The following CAST variants were observed in gnomAD, a reference collection of about 807,000 sequenced individuals.
CAST encodes the protein MIR583 host.
CAST carries 76 observed loss-of-function variants against 119.6 expected under a neutral mutation model. The ratio of observed to expected loss-of-function variants is 0.64; its 90% CI spans 0.53 to 0.77. The LOEUF (loss-of-function observed/expected upper bound fraction) is 0.77. Ranked by LOEUF, CAST falls within the 30% of genes least tolerant of loss-of-function variation. The probability of loss-of-function intolerance (pLI) is 0.00; values close to 1 mark genes in which losing one functional copy is unlikely to be tolerated. For synonymous variants in CAST, 319 were observed against 331.6 expected, an observed-to-expected ratio of 0.96 and a Z score of 0.41; for missense variants, 953 against 946.5, an observed-to-expected ratio of 1.01 and a Z score of -0.09.
chr5:96,612,185 G>C (rs1211292998), intron 1 of CAST, among the ~76,000 whole-genome samples: 2 of 152,046 alleles, frequency 1.3e-5, no homozygotes, highest in East Asian at 3.8e-4. Flanking sequence ...AAGTCATGGT[G>C]CCCACTAATG....
At position 96,582,871 on chromosome 5, in the gene CAST, G is replaced by C. The variant is rs191411528; in HGVS notation, c.60+52991G>C. Among the ~76,000 whole-genome samples, 3 of 152,240 alleles carry C rather than the reference G, an allele frequency of 2.0e-5. No individual in the cohort carries two copies. The East Asian group carries it at 5.8e-4, about 29-fold the overall frequency. On this transcript the variant is annotated intron_variant, in intron 1 of 11. Transcript: ENST00000505143. ...TCTTATTGATAGGCTCTTTAGAAAA[G>C]AATGTGAATGTCAATGCATAAGTTT...
the CAST span, among the ~76,000 whole-genome samples, chr5:96,262,340 A>G: frequency 2.0e-5 from 3 of 152,156 alleles, no homozygotes; most frequent in Non-Finnish European, 4.4e-5. Context: ...AAAACAGACT[A>G]TTCTCACTAT....
chr5:96,044,712 A>G, the CAST span, among the ~76,000 whole-genome samples: 336 of 152,258 alleles, frequency 2.2e-3, 1 homozygote, highest in African/African-American at 7.8e-3. Flanking sequence ...TACTTACCCA[A>G]GTGTCTATCA....
chr5:96,025,524 T>G, the CAST span, among the ~76,000 whole-genome samples: 1 of 152,166 alleles, frequency 6.6e-6, no homozygotes, highest in African/African-American at 2.4e-5. Flanking sequence ...ATTAATTACA[T>G]CTTGCGTATC....
the CAST span, among the ~76,000 whole-genome samples, chr5:96,502,049 A>C: frequency 6.6e-6 from 1 of 151,376 alleles, no homozygotes; most frequent in South Asian, 2.1e-4. Context: ...TTTTTCTCAC[A>C]TAAAAAATAG....
chr5:96,020,311 G>A, the CAST span, among the ~76,000 whole-genome samples: 1 of 152,268 alleles, frequency 6.6e-6, no homozygotes, highest in South Asian at 2.1e-4. Flanking sequence ...CAGAACAAAT[G>A]CTGATAAAAA....
At chr5:96,742,411 G>A (rs1424594218) in intron 15 of CAST, 1 of 464,534 alleles carries the variant, frequency 2.2e-6, no homozygotes, top group African/African-American at 2.0e-5. Flanking sequence ...ACCAAATAAG[G>A]GGTGAAGTGT....
the CAST span, among the ~76,000 whole-genome samples, chr5:96,154,283 AC>A: frequency 6.6e-6 from 1 of 151,972 alleles, no homozygotes; most frequent in African/African-American, 2.4e-5. Context: ...ATCTCAAAAA[AC>A]AACAACAAAA....
the CAST span, among the ~76,000 whole-genome samples, chr5:96,198,534 G>T: frequency 1.3e-5 from 2 of 151,954 alleles, no homozygotes; most frequent in African/African-American, 2.4e-5. Flanking sequence ...TGTGTGCTGG[G>T]CACATTCATT....
At chr5:96,414,982 A>G in the CAST span, among the ~76,000 whole-genome samples, 1 of 152,238 alleles carries the variant, frequency 6.6e-6, no homozygotes, top group East Asian at 1.9e-4. Flanking sequence ...AGGTATACTC[A>G]TGTAGAGTTT....
chr5:96,743,707 C>G (rs1763163451), intron 16 of CAST: 1 of 1,610,620 alleles, frequency 6.2e-7, no homozygotes, highest in African/African-American at 1.3e-5. Flanking sequence ...ACGGTGAACG[C>G]AGAGGAGCAA....
At chr5:96,426,179 A>G in the CAST span, among the ~76,000 whole-genome samples, 1 of 152,104 alleles carries the variant, frequency 6.6e-6, no homozygotes. Flanking sequence ...TAATTCCCTA[A>G]ATTATTTACA....
the CAST span, among the ~76,000 whole-genome samples, chr5:96,014,639 A>T: frequency 6.6e-6 from 1 of 152,138 alleles, no homozygotes; most frequent in African/African-American, 2.4e-5. Flanking sequence ...TTTCAACTTC[A>T]TTATAATCTT....
chr5:96,753,509 A>C (rs575020105), intron 20 of CAST, among the ~76,000 whole-genome samples: 8 of 152,316 alleles, frequency 5.3e-5, no homozygotes, highest in African/African-American at 1.9e-4. Flanking sequence ...ACAGGTAGAC[A>C]GTTCTCACTG....
chr5:96,093,111 G>C, the CAST span, among the ~76,000 whole-genome samples: 3 of 152,118 alleles, frequency 2.0e-5, no homozygotes, highest in African/African-American at 7.2e-5. Context: ...AGGCAGTGCT[G>C]GGGGTTGTGT....
chr5:96,580,416 C>A (rs1458707591), intron 1 of CAST, among the ~76,000 whole-genome samples: 3 of 152,188 alleles, frequency 2.0e-5, no homozygotes, highest in African/African-American at 7.2e-5. Context: ...TAGAGAACTT[C>A]GTTACTATGA....
chr5:96,630,063 A>G (rs192354974), intron 1 of CAST, among the ~76,000 whole-genome samples: 136 of 152,364 alleles, frequency 8.9e-4, no homozygotes, highest in Admixed American at 5.2e-3. Context: ...TGTCTTCTCA[A>G]TTAGTCATTC....
chr5:96,636,885 A>G (rs895264195), intron 1 of CAST, among the ~76,000 whole-genome samples: 52 of 142,628 alleles, frequency 3.6e-4, no homozygotes, highest in African/African-American at 1.3e-3. Flanking sequence ...ACATCACATC[A>G]CTCGTGGGGA....
the CAST span, among the ~76,000 whole-genome samples, chr5:96,011,618 G>T: frequency 6.6e-6 from 1 of 152,076 alleles, no homozygotes; most frequent in Non-Finnish European, 1.5e-5. Flanking sequence ...ACTGTCTATT[G>T]TAAGTCTCAA....
Sources: gnomAD v4.1 joint callset for allele counts (sites outside exome capture counted in the v4.1 genomes callset) on GRCh38, gnomAD v4.1.1 for gene constraint, MANE v1.5 for transcripts, NCBI Gene and HGNC (gene_info 2026-07-23, HGNC 2026-07-21) for gene names.